The following U2SURP variants were observed in gnomAD, a reference collection of about 807,000 sequenced individuals.
The protein encoded by U2SURP is U2 snRNP associated SURP domain containing.
U2SURP carries 9 observed loss-of-function variants against 144.9 expected under a neutral mutation model. The ratio of observed to expected loss-of-function variants is 0.06; its 90% CI spans 0.04 to 0.11. The LOEUF (loss-of-function observed/expected upper bound fraction) is 0.11, where lower values mean the gene tolerates loss of function less well. Among genes scored for constraint, U2SURP ranks in the 10% least tolerant of loss-of-function variants. The pLI, the probability that U2SURP is intolerant of heterozygous loss-of-function variation, is 1.00. For synonymous variants in U2SURP, 408 were observed against 396.8 expected (o/e 1.03, Z -0.33); for missense variants, 724 against 1,226.7 (o/e 0.59, Z 6.12).
chr3:143,038,728 A>T (rs1578152267), intron 22 of U2SURP, among the ~76,000 whole-genome samples, 166 bp from the exon 23 acceptor site: 1 of 152,010 alleles, frequency 6.6e-6, no homozygotes, highest in East Asian at 1.9e-4. Flanking sequence ...GGTGTGAGGA[A>T]AGAGATTTGG....
intron 20 of U2SURP, chr3:143,036,909 T>G (rs1396444264): frequency 5.0e-6 from 2 of 401,302 alleles, no homozygotes; most frequent in Non-Finnish European, 9.0e-6. Flanking sequence ...GCAAAAACCT[T>G]TACCAGGCTC....
Position 143,053,789 on chromosome 3 carries a change from G to T in U2SURP, c.2769G>T (p.Lys923Asn), listed in dbSNP as rs1185710533. 6.3e-7 allele frequency: 1 copy of T among 1,587,038 alleles called. No homozygotes were observed. Among genetic ancestry groups the T allele is most frequent in the African/African-American group, 1.4e-5 (1 of 73,148 alleles). ...AAGATGAGTGTACTCCGACAAGGAA[G>T]GAAAGGTATAACATTTCTCATATTT... ...KEKDECTPTR[K>N]ERKRRHSTSP... Residue 923 changes from lysine to asparagine, a missense_variant, in exon 26 of 28, where the codon AAG (lysine) becomes AAT (asparagine). By Grantham distance (94) the Lys-to-Asn change is moderately conservative. This residue lies in a region of U2SURP where 129 missense variants were observed against 196.1 expected (regional missense o/e 0.66). Transcript: ENST00000473835.
chr3:143,043,772 A>ATTT (rs559942509), intron 24 of U2SURP, among the ~76,000 whole-genome samples: 58 of 140,764 alleles, frequency 4.1e-4, no homozygotes, highest in African/African-American at 1.5e-3. Flanking sequence ...TGAGAAATCC[A>ATTT]TTTTTTTTTT....
intron 12 of U2SURP, among the ~76,000 whole-genome samples, chr3:143,023,650 T>C (rs956752905): frequency 6.6e-6 from 1 of 152,234 alleles, no homozygotes; most frequent in Non-Finnish European, 1.5e-5. Context: ...GCGAACTGTA[T>C]GGTCAGAGGC....
intron 1 of U2SURP, among the ~76,000 whole-genome samples, chr3:143,003,461 T>G (rs1935642162): frequency 6.6e-6 from 1 of 152,166 alleles, no homozygotes; most frequent in African/African-American, 2.4e-5. Flanking sequence ...GTAGATATAA[T>G]TCTTTTTTTA....
At position 143,010,876 on chromosome 3, in the gene U2SURP, A is replaced by AAGAT; in HGVS notation, c.90+17_90+18insAGAT. The AAGAT allele has an allele frequency of 1.9e-6, 3 of 1,592,244 alleles. No individual in the cohort carries two copies. The East Asian group carries it at 6.7e-5, about 36-fold the overall frequency. On this transcript the variant is annotated intron_variant, in intron 2 of 27. Coordinates refer to ENST00000473835, the MANE Select transcript of U2SURP (RefSeq NM_001080415.2). ...GATGCACATGTGAGTATAGAAGGCA[A>AAGAT]TCTTTGTCTTTTTTCCTTTAAAATT...
At chr3:143,003,132 G>T (rs1384514319) in intron 1 of U2SURP, among the ~76,000 whole-genome samples, 1 of 152,154 alleles carries the variant, frequency 6.6e-6, no homozygotes, top group African/African-American at 2.4e-5. Context: ...CTGTGTTCAG[G>T]CTTCCTTCTA....
Position 143,009,024 on chromosome 3 carries a change from G to GC in U2SURP, c.46-1789dup, listed in dbSNP as rs35394675. 6.5e-3 allele frequency among the ~76,000 whole-genome samples: 985 copies of GC among 152,322 alleles called. 9 individuals are homozygous for GC. The highest frequency in any genetic ancestry group is 0.022 in the African/African-American group (935 of 41,574). ...CAAAGTGCTCGGATTACAGGCGTGA[G>GC]CCACTGCACCTGGCCCAGGCAGTTG... On this transcript the variant is annotated intron_variant, in intron 1 of 27. Transcript: ENST00000473835.
chr3:143,007,288 C>CTT (rs143610863), intron 1 of U2SURP, among the ~76,000 whole-genome samples: 3 of 148,488 alleles, frequency 2.0e-5, no homozygotes, highest in Non-Finnish European at 3.0e-5. Context: ...CTTTTCTTTT[C>CTT]TTTTTTTTTT....
chr3:143,021,834 G>C (rs1936650103), intron 10 of U2SURP, among the ~76,000 whole-genome samples: 1 of 152,134 alleles, frequency 6.6e-6, no homozygotes, highest in African/African-American at 2.4e-5. Context: ...TTTTGAGACT[G>C]TCCACTTCTG....
chr3:143,054,933 T>C lies in U2SURP; in HGVS notation c.2775-10T>C. 6.3e-7 allele frequency: 1 copy of C among 1,579,910 alleles called. No individual in the cohort carries two copies. The highest frequency in any genetic ancestry group is 8.6e-7 in the Non-Finnish European group (1 of 1,168,874). On this transcript the variant is annotated splice_polypyrimidine_tract_variant and intron_variant, in intron 26 of 27. Coordinates refer to ENST00000473835, the MANE Select transcript of U2SURP (RefSeq NM_001080415.2). ...CATTTATGGAATGTTTTGGGGGCTTTGTTCCATAGGAAGAGGCGACACAGT... is the reference window on the plus strand; with the variant it reads ...CATTTATGGAATGTTTTGGGGGCTTCGTTCCATAGGAAGAGGCGACACAGT...
chr3:143,048,137 G>C (rs953828887), intron 24 of U2SURP, among the ~76,000 whole-genome samples: 1 of 152,186 alleles, frequency 6.6e-6, no homozygotes, highest in Admixed American at 6.5e-5. Context: ...GGTGATACCT[G>C]TCTGTTGCCT....
intron 1 of U2SURP, among the ~76,000 whole-genome samples, chr3:143,008,461 C>T (rs1009034483): frequency 1.3e-5 from 2 of 152,130 alleles, no homozygotes; most frequent in Non-Finnish European, 2.9e-5. Flanking sequence ...TTCTTTTGCC[C>T]CCTTGCAAAT....
intron 1 of U2SURP, among the ~76,000 whole-genome samples, chr3:143,006,025 A>G (rs946401362): frequency 2.0e-5 from 3 of 152,206 alleles, no homozygotes; most frequent in Non-Finnish European, 2.9e-5. Flanking sequence ...AGCAAGATAC[A>G]TTTGTCAGTA....
At chr3:143,027,385 G>T in intron 14 of U2SURP, 132 bp downstream of exon 14, 1 of 659,264 alleles carries the variant, frequency 1.5e-6, no homozygotes. Flanking sequence ...TCCATCTCCA[G>T]AACTTTTTTC....
intron 19 of U2SURP, 130 bp from the exon 20 acceptor site, chr3:143,035,852 T>G: frequency 1.0e-6 from 1 of 962,446 alleles, no homozygotes; most frequent in South Asian, 2.6e-5. Flanking sequence ...ATATAGTTAT[T>G]TTCTTTAAAG....
At chr3:143,007,058 G>T (rs1240932531) in intron 1 of U2SURP, among the ~76,000 whole-genome samples, 1 of 152,180 alleles carries the variant, frequency 6.6e-6, no homozygotes, top group East Asian at 1.9e-4. Flanking sequence ...TTTGTTCTCA[G>T]CCAGCAAGCT....
At chr3:143,021,248 A>C in intron 8 of U2SURP, 102 bp from the exon 9 acceptor site, 1 of 1,295,404 alleles carries the variant, frequency 7.7e-7, no homozygotes, top group Non-Finnish European at 1.1e-6. Context: ...TTTGTCTCTC[A>C]GAAATACCTT....
At chr3:143,020,828 C>T (rs1416137186) in intron 8 of U2SURP, 135 bp downstream of exon 8, 1 of 631,244 alleles carries the variant, frequency 1.6e-6, no homozygotes, top group African/African-American at 1.8e-5. Context: ...TTTCCTTACA[C>T]ATTCATAGCT....
Sources: gnomAD v4.1 joint callset for allele counts (sites outside exome capture counted in the v4.1 genomes callset) on GRCh38, gnomAD v4.1.1 for gene constraint, gnomAD v4.1.1 regional missense constraint, MANE v1.5 for transcripts, NCBI Gene and HGNC (gene_info 2026-07-23, HGNC 2026-07-21) for gene names.